The following VPS13C variants were observed in gnomAD, a reference collection of about 807,000 sequenced individuals.
VPS13C encodes the protein vacuolar protein sorting 13 homolog C.
A neutral mutation model predicts 456.8 loss-of-function variants in VPS13C; 358 were observed. That is an observed-to-expected ratio of 0.78 (90% confidence interval 0.72 to 0.86). The LOEUF is 0.86. VPS13C is among the 40% of genes least tolerant of loss of function. The pLI is 0.00. For missense variants in VPS13C, 4,818 were observed against 4,385.4 expected, an observed-to-expected ratio of 1.10 and a Z score of -2.79; for synonymous variants, 1,578 against 1,486.7, an observed-to-expected ratio of 1.06 and a Z score of -1.41.
Position 62,010,541 on chromosome 15 carries a change from C to A in VPS13C, c.942G>T (p.Glu314Asp), listed in dbSNP as rs771829848. The A allele has an allele frequency of 3.7e-6, 6 of 1,613,360 alleles. No homozygotes were observed. In the East Asian group the frequency reaches 1.3e-4, roughly 36 times the overall value. ...TGCAATCCAGTTTGGGCGTTTTGAG[C>A]TCTGATTCTGCATAAGGATTCATGT... ...KLYMNPYAES[E>D]LKTPKLDCNI... Residue 314 changes from glutamate to aspartate, a missense_variant, in exon 13 of 85, where the codon GAG (glutamate) becomes GAT (aspartate). Physicochemically the swap from Glu to Asp is conservative, Grantham distance 45. Transcript: ENST00000644861.
chr15:61,901,514 CTCA>C (rs1311825696), intron 66 of VPS13C, among the ~76,000 whole-genome samples: 1 of 152,206 alleles, frequency 6.6e-6, no homozygotes, highest in African/African-American at 2.4e-5. Flanking sequence ...TGAAAAAATG[CTCA>C]TCATCACTGG....
intron 73 of VPS13C, 146 bp from the exon 74 acceptor site, chr15:61,878,892 A>G (rs771891757): frequency 2.1e-5 from 16 of 776,804 alleles, no homozygotes; most frequent in Non-Finnish European, 3.1e-5. Context: ...ACATTATAGC[A>G]GAACAACCCA....
chr15:61,907,015 A>G, intron 66 of VPS13C: 1 of 384,802 alleles, frequency 2.6e-6, no homozygotes, highest in Non-Finnish European at 4.7e-6. Flanking sequence ...ATTAATTAAA[A>G]AGGTGCTTTA....
At position 61,941,745 on chromosome 15, in the gene VPS13C, T is replaced by G; in HGVS notation, c.5453+18A>C. 1 of 1,584,714 alleles carries G rather than the reference T, an allele frequency of 6.3e-7. No individual in the cohort carries two copies. Among genetic ancestry groups the G allele is most frequent in the South Asian group, 1.1e-5 (1 of 87,270 alleles). ...CTATTTCTAGTAAGCAATACACAAT[T>G]AGATTACATATTTATACCTTGACAG... On this transcript the variant is annotated intron_variant, in intron 46 of 84. Transcript: ENST00000644861.
chr15:62,057,808 TCA>T (rs2048849657), intron 1 of VPS13C, among the ~76,000 whole-genome samples: 1 of 152,124 alleles, frequency 6.6e-6, no homozygotes, highest in Non-Finnish European at 1.5e-5. Flanking sequence ...GTGAAAAACT[TCA>T]AAATCTTCAA....
chr15:62,018,140 T>G (rs1408585614), intron 9 of VPS13C, among the ~76,000 whole-genome samples: 2 of 152,222 alleles, frequency 1.3e-5, no homozygotes, highest in African/African-American at 4.8e-5. Flanking sequence ...TGATTTTGTA[T>G]CCTGAGACTT....
At chr15:62,041,223 C>T (rs1293618377) in intron 3 of VPS13C, 101 bp downstream of exon 3, 4 of 1,252,462 alleles carry the variant, frequency 3.2e-6, no homozygotes, top group Non-Finnish European at 4.5e-6. Flanking sequence ...AAAAAAAAAT[C>T]TCTCACACTT....
chr15:61,944,335 C>T (rs750920342), intron 45 of VPS13C, among the ~76,000 whole-genome samples: 3 of 152,118 alleles, frequency 2.0e-5, no homozygotes, highest in African/African-American at 4.8e-5. Flanking sequence ...CACACACTCA[C>T]GTGTTCTTCA....
chr15:62,045,134 G>A (rs1240507246), intron 1 of VPS13C, among the ~76,000 whole-genome samples: 1 of 151,924 alleles, frequency 6.6e-6, no homozygotes, highest in Non-Finnish European at 1.5e-5. Context: ...GCTTTTCCCA[G>A]ATCTCAAAAT....
intron 66 of VPS13C, among the ~76,000 whole-genome samples, chr15:61,891,050 AAAAG>A (rs750190305): frequency 1.3e-5 from 2 of 152,212 alleles, no homozygotes; most frequent in Non-Finnish European, 2.9e-5. Context: ...TCCATCTCAA[AAAAG>A]AAAGAAAGAA....
chr15:61,890,438 T>C, intron 66 of VPS13C, 38 bp from the exon 67 acceptor site: 3 of 1,540,050 alleles, frequency 1.9e-6, no homozygotes, highest in East Asian at 2.3e-5. Flanking sequence ...CCACACATAG[T>C]AACTTGTTAT....
chr15:61,984,064 T>G (rs1286325357), intron 19 of VPS13C, 52 bp from the exon 20 acceptor site: 2 of 1,522,690 alleles, frequency 1.3e-6, no homozygotes, highest in African/African-American at 2.8e-5. Context: ...TTTTGTAATC[T>G]AATGGACTAA....
intron 66 of VPS13C, 57 bp downstream of exon 66, chr15:61,907,207 C>G: frequency 1.9e-6 from 3 of 1,607,594 alleles, no homozygotes; most frequent in Non-Finnish European, 2.6e-6. Flanking sequence ...AAGATAGCTT[C>G]TCTACTTCCT....
intron 20 of VPS13C, 32 bp from the exon 21 acceptor site, chr15:61,982,605 T>C (rs1447072063): frequency 6.9e-7 from 1 of 1,455,978 alleles, no homozygotes; most frequent in Admixed American, 1.8e-5. Context: ...ATAACCAAGT[T>C]ACACATGGTT....
chr15:62,056,641 A>G (rs1596546463), intron 1 of VPS13C, among the ~76,000 whole-genome samples: 1 of 152,202 alleles, frequency 6.6e-6, no homozygotes, highest in East Asian at 1.9e-4. Context: ...GCCTGACATC[A>G]GTCAGGCTTG....
intron 82 of VPS13C, among the ~76,000 whole-genome samples, chr15:61,857,849 G>A (rs1369122895): frequency 6.6e-6 from 1 of 152,186 alleles, no homozygotes; most frequent in African/African-American, 2.4e-5. Flanking sequence ...CCAATGGAGT[G>A]TGGAGAACTG....
chr15:61,975,895 T>C (rs1296456042), intron 24 of VPS13C, among the ~76,000 whole-genome samples: 1 of 152,014 alleles, frequency 6.6e-6, no homozygotes, highest in Non-Finnish European at 1.5e-5. Context: ...GGGTTGAGTA[T>C]CAGAAATGGG....
Position 61,884,128 on chromosome 15 carries a change from C to G in VPS13C, c.9483G>C (p.Glu3161Asp). 2 of 1,566,316 alleles carry G rather than the reference C, an allele frequency of 1.3e-6. No individual in the cohort carries two copies. The highest frequency in any genetic ancestry group is 1.7e-6 in the Non-Finnish European group (2 of 1,163,054). The change falls in exon 68 of 85, where the codon GAG (glutamate) becomes GAC (aspartate). Residue 3161 changes from glutamate to aspartate, a missense_variant and splice_region_variant. Coordinates refer to ENST00000644861, the MANE Select transcript of VPS13C (RefSeq NM_020821.3). ...HGWIKLDNNFEVNFDKDPMEM... is the reference protein window; with the variant it reads ...HGWIKLDNNFDVNFDKDPMEM... ...TCAAAACAAAAGAATTTTGGTATAC[C>G]TCAAAATTATTATCTAGCTTAATCC...
chr15:62,059,842 G>C (rs2048933242), intron 1 of VPS13C, among the ~76,000 whole-genome samples: 1 of 152,170 alleles, frequency 6.6e-6, no homozygotes, highest in Non-Finnish European at 1.5e-5. Context: ...ACTGCGAGAT[G>C]CAACTTCCTC....
Sources: allele counts gnomAD v4.1 joint callset (sites outside exome capture counted in the v4.1 genomes callset), GRCh38; gene constraint gnomAD v4.1.1; transcripts MANE v1.5; gene names NCBI Gene and HGNC (gene_info 2026-07-23, HGNC 2026-07-21).